Variants in ANPEP observed in about 807,000 individuals in gnomAD.
ANPEP encodes the protein alanyl aminopeptidase, membrane, also known as aminopeptidase N.
In ANPEP, 70 loss-of-function variants were observed where a neutral mutation model predicts 114.6. The ratio of observed to expected loss-of-function variants is 0.61; its 90% confidence interval spans 0.50 to 0.75. ANPEP has a LOEUF of 0.75. Ranked by LOEUF, ANPEP falls within the 30% of genes least tolerant of loss-of-function variation. The pLI is 0.00. For synonymous variants in ANPEP, 548 were observed against 522.3 expected, an observed-to-expected ratio of 1.05 and a Z score of -0.67; for missense variants, 1,184 against 1,259.5, an observed-to-expected ratio of 0.94 and a Z score of 0.91.
At chr15:89,789,403 A>C (rs1039891963) in intron 20 of ANPEP, among the ~76,000 whole-genome samples, 1 of 152,216 alleles carries the variant, frequency 6.6e-6, no homozygotes, top group African/African-American at 2.4e-5. Flanking sequence ...GAAAATTTGA[A>C]TATGCCTTGG....
chr15:89,801,068 G>A (rs752866758), intron 12 of ANPEP, 43 bp downstream of exon 12: 1 of 1,564,504 alleles, frequency 6.4e-7, no homozygotes, highest in Non-Finnish European at 8.8e-7. Flanking sequence ...GGAGCTAGGA[G>A]TATGGGGTGG....
At chr15:89,798,576 G>T (rs960953388) in intron 14 of ANPEP, among the ~76,000 whole-genome samples, 6 of 151,330 alleles carry the variant, frequency 4.0e-5, no homozygotes, top group African/African-American at 1.5e-4. Context: ...GGCAGAGGTC[G>T]TAGTGAGCCA....
chr15:89,793,885 C>T (rs1193672716), intron 15 of ANPEP, among the ~76,000 whole-genome samples: 1 of 152,066 alleles, frequency 6.6e-6, no homozygotes, highest in Admixed American at 6.6e-5. Context: ...CTTCACATGG[C>T]ATTTTTCTCC....
chr15:89,790,921 C>G, intron 19 of ANPEP, 32 bp downstream of exon 19: 1 of 1,608,608 alleles, frequency 6.2e-7, no homozygotes, highest in Non-Finnish European at 8.5e-7. Flanking sequence ...CCTCGGCGCT[C>G]GCTGTCCCTG....
At chr15:89,792,682 A>C (rs28760317) in intron 16 of ANPEP, 120 bp from the exon 17 acceptor site, 4 of 843,612 alleles carry the variant, frequency 4.7e-6, no homozygotes, top group East Asian at 2.7e-5. Flanking sequence ...TGGCCCTCTG[A>C]CCCCCGCTGT....
chr15:89,814,460 G>T (rs1474846032), intron 1 of ANPEP, among the ~76,000 whole-genome samples: 2 of 152,072 alleles, frequency 1.3e-5, no homozygotes, highest in African/African-American at 4.8e-5. Context: ...CGCCCTCCCC[G>T]TCCGTCCTCC....
intron 1 of ANPEP, among the ~76,000 whole-genome samples, chr15:89,810,148 G>A (rs1353164732): frequency 6.6e-6 from 1 of 152,178 alleles, no homozygotes; most frequent in African/African-American, 2.4e-5. Flanking sequence ...AGGAGGCTGA[G>A]GTGGGCAGAT....
At chr15:89,792,707 T>C (rs1465506654) in intron 16 of ANPEP, 145 bp from the exon 17 acceptor site, 5 of 740,632 alleles carry the variant, frequency 6.8e-6, no homozygotes, top group Non-Finnish European at 1.1e-5. Context: ...GCTTTGTGCC[T>C]TGGGCCTGAG....
intron 1 of ANPEP, among the ~76,000 whole-genome samples, chr15:89,812,399 C>T (rs1027017724): frequency 2.6e-5 from 4 of 152,242 alleles, no homozygotes; most frequent in Non-Finnish European, 4.4e-5. Context: ...CCCTGGCTTT[C>T]TCCCAGGCTT....
Position 89,806,502 on chromosome 15 carries a change from C to T in ANPEP, c.82G>A (p.Ala28Thr), listed in dbSNP as rs774040882. 21 of 1,613,962 alleles carry T rather than the reference C, an allele frequency of 1.3e-5. No individual in the cohort carries two copies. The highest frequency in any genetic ancestry group is 9.9e-5 in the South Asian group (9 of 91,072). Residue 28 changes from alanine (A) to threonine (T), a missense_variant, in exon 2 of 21, where the codon GCA (alanine) becomes ACA (threonine). Ala to Thr is a moderately conservative substitution (Grantham distance 58, BLOSUM62 0). Transcript: ENST00000300060. This position sits in a 1 kb window ranked among gnomAD's most constrained non-coding sequence, Gnocchi z 5.7. ...TCCTGGGAGTACACCACTGACAGTGCGATGATTGTGCACACGGCTGCCACG... is the reference window on the plus strand; with the variant it reads ...TCCTGGGAGTACACCACTGACAGTGTGATGATTGTGCACACGGCTGCCACG... ...LGVAAVCTII[A>T]LSVVYSQEKN...
chr15:89,806,540 C>T lies in ANPEP; in HGVS notation c.44G>A (p.Gly15Glu), dbSNP rs1289304489. 13 of 1,611,688 alleles carry T rather than the reference C, an allele frequency of 8.1e-6. No individual in the cohort carries two copies. Among genetic ancestry groups the T allele is most frequent in the Non-Finnish European group, 1.0e-5 (12 of 1,178,346 alleles). ...FYISKSLGIL[G>E]ILLGVAAVCT... ...CACGGCTGCCACGCCCAGGAGGATC[C>T]CCAGGATGCCCAGGGACTTGGAAAT... The change falls in exon 2 of 21, where the codon GGG (glycine) becomes GAG (glutamate). Residue 15 changes from glycine to glutamate, a missense_variant. Gly to Glu is a moderately conservative substitution (Grantham distance 98). Coordinates refer to ENST00000300060, the MANE Select transcript of ANPEP (RefSeq NM_001150.3). The surrounding 1 kb of genome is among the most constrained non-coding windows in gnomAD (Gnocchi z 5.7).
In ANPEP at chr15:89,804,519, A is replaced by C; in HGVS notation, c.996T>G (p.Tyr332Ter). 1.2e-6 allele frequency: 2 copies of C among 1,614,238 alleles called. No homozygotes were observed. Among genetic ancestry groups the C allele is most frequent in the East Asian group, 4.5e-5 (2 of 44,884 alleles). Residue 332 changes from tyrosine (Y) to a stop codon, truncating the protein, a stop_gained, in exon 5 of 21, where the codon TAT (tyrosine) becomes TAG (stop). Transcript: ENST00000300060. LOFTEE classifies it high-confidence loss of function. ...ATTTTGGGAGTGGGTAGGGTGTGTC[A>C]TAATGACCAGCAAAGAAGTTAAGGA... Reference protein sequence around the residue: ...GPILNFFAGHYDTPYPLPKSD... With the variant: ...GPILNFFAGH
rs182523858 is a variant in ANPEP at position 89,794,574 on chromosome 15, A to G, written c.2158-1448T>C. ...GGAGGTAAGGACTGCAAACAGGAAG[A>G]TGAAGTCAAAGTCTACAGAAGGAGT... is the stretch of plus-strand genomic sequence containing the variant. On this transcript the variant is annotated intron_variant, in intron 15 of 20. Coordinates refer to ENST00000300060, the MANE Select transcript of ANPEP (RefSeq NM_001150.3). 5.0e-3 allele frequency among the ~76,000 whole-genome samples: 767 copies of G among 152,276 alleles called. 6 individuals are homozygous for G. Among genetic ancestry groups the G allele is most frequent in the Non-Finnish European group, 8.1e-3 (549 of 68,000 alleles).
chr15:89,807,715 C>T lies in ANPEP; in HGVS notation c.-223-909G>A, dbSNP rs141918287. 4.4e-3 allele frequency among the ~76,000 whole-genome samples: 675 copies of T among 152,230 alleles called. 7 individuals are homozygous for T. Among genetic ancestry groups the T allele is most frequent in the African/African-American group, 0.015 (632 of 41,526 alleles). On this transcript the variant is annotated intron_variant, in intron 1 of 20. Transcript: ENST00000300060. ...GACTCAAAAGAAAAAAGAAAAAAAT[C>T]GTTCCCTTCTTTCTTACCCAAAGCT...
chr15:89,806,506 G>A lies in ANPEP; in HGVS notation c.78C>T (p.Ile26=), dbSNP rs1279848571. 2 of 1,613,962 alleles carry A rather than the reference G, an allele frequency of 1.2e-6. No homozygotes were observed. The highest frequency in any genetic ancestry group is 2.2e-5 in the South Asian group (2 of 91,092). Reference sequence around the variant, plus strand: ...GGGAGTACACCACTGACAGTGCGATGATTGTGCACACGGCTGCCACGCCCA... The same window carrying A: ...GGGAGTACACCACTGACAGTGCGATAATTGTGCACACGGCTGCCACGCCCA... ...ILLGVAAVCT[I]IALSVVYSQE... Residue 26 remains isoleucine, a synonymous_variant, in exon 2 of 21, where the codon ATC becomes ATT. Coordinates refer to ENST00000300060, the MANE Select transcript of ANPEP (RefSeq NM_001150.3). This position sits in a 1 kb window ranked among gnomAD's most constrained non-coding sequence, Gnocchi z 5.7.
chr15:89,809,571 C>T (rs185760922), intron 1 of ANPEP, among the ~76,000 whole-genome samples: 42 of 152,310 alleles, frequency 2.8e-4, no homozygotes, highest in African/African-American at 4.3e-4. Flanking sequence ...TGCTCTGCAG[C>T]CCCCACCTTC....
chr15:89,814,608 C>T (rs938112913), intron 1 of ANPEP, among the ~76,000 whole-genome samples, 164 bp downstream of exon 1: 3 of 152,234 alleles, frequency 2.0e-5, no homozygotes, highest in African/African-American at 7.2e-5. Flanking sequence ...CTTCGCTTTC[C>T]CTGGCCCTCA....
Position 89,804,979 on chromosome 15 carries a change from G to A in ANPEP, c.897+99C>T, listed in dbSNP as rs937359309. 1.1e-5 allele frequency: 17 copies of A among 1,538,846 alleles called. No homozygotes were observed. In the Admixed American group the frequency reaches 2.4e-4, roughly 22 times the overall value. On this transcript the variant is annotated intron_variant, in intron 4 of 20. Coordinates refer to ENST00000300060, the MANE Select transcript of ANPEP (RefSeq NM_001150.3). ...ACTCAGAGGTGGGATTCCAACCCTGGCCTAACAATTCAGAAACTGGCACAG... is the reference window on the plus strand; with the variant it reads ...ACTCAGAGGTGGGATTCCAACCCTGACCTAACAATTCAGAAACTGGCACAG...
At chr15:89,797,109 G>A (rs769327702) in intron 15 of ANPEP, among the ~76,000 whole-genome samples, 25 of 152,150 alleles carry the variant, frequency 1.6e-4, no homozygotes, top group African/African-American at 2.2e-4. Context: ...CTCTCATAGC[G>A]CAGGTGGGCT....
Sources: allele counts gnomAD v4.1 joint callset (sites outside exome capture counted in the v4.1 genomes callset), GRCh38; gene constraint gnomAD v4.1.1; non-coding constraint Gnocchi (gnomAD v3.1); transcripts MANE v1.5; gene names NCBI Gene and HGNC (gene_info 2026-07-23, HGNC 2026-07-21).